The following LNX1 variants were observed in gnomAD, a reference collection of about 807,000 sequenced individuals.
LNX1 encodes the protein E3 ubiquitin-protein ligase LNX.
In LNX1, 54 loss-of-function variants were observed where a neutral mutation model predicts 68.4. That is an observed-to-expected ratio of 0.79 (90% CI 0.63 to 0.99). The LOEUF is 0.99. Among genes scored for constraint, LNX1 ranks in the 50% least tolerant of loss-of-function variants. The pLI is 0.00. For missense variants in LNX1, 906 were observed against 926.4 expected, an observed-to-expected ratio of 0.98 and a Z score of 0.29; for synonymous variants, 336 against 350.0, an observed-to-expected ratio of 0.96 and a Z score of 0.45.
intron 2 of LNX1, chr4:53,523,283 G>A (rs1394406197): frequency 1.3e-5 from 2 of 151,896 alleles, no homozygotes; most frequent in Non-Finnish European, 2.9e-5. Flanking sequence ...AATTTTTTTT[G>A]TTTGTTTGTT....
intron 1 of LNX1, chr4:53,576,401 C>A: frequency 6.5e-7 from 1 of 1,531,090 alleles, no homozygotes; most frequent in Non-Finnish European, 8.8e-7. Context: ...CTCACATGAC[C>A]AGTCCTATTC....
rs202180102 is a variant in LNX1 at position 53,478,756 on chromosome 4, T to C, written c.1486-14A>G. 1.7e-5 allele frequency: 27 copies of C among 1,605,978 alleles called. No individual in the cohort carries two copies. The highest frequency in any genetic ancestry group is 2.0e-5 in the Non-Finnish European group (24 of 1,175,064). On this transcript the variant is annotated splice_polypyrimidine_tract_variant and intron_variant, in intron 7 of 10. Transcript: ENST00000263925. ...AGGATGGAGGGGCTGAAGGCACAGA[T>C]GGAAAAACATGGCACATGAATTCAC... is the stretch of plus-strand genomic sequence containing the variant.
rs767584386 is a variant in LNX1 at position 53,478,551 on chromosome 4, C to T, written c.1663+14G>A. The T allele has an allele frequency of 3.8e-6, 6 of 1,598,006 alleles. No homozygotes were observed. Among genetic ancestry groups the T allele is most frequent in the African/African-American group, 1.3e-5 (1 of 74,404 alleles). ...CTGCCACCCCAGTGCCTTTAAAATC[C>T]CTTTACTTTTTACCTGTTTTTATTC... is the stretch of plus-strand genomic sequence containing the variant. On this transcript the variant is annotated intron_variant, in intron 8 of 10. Transcript: ENST00000263925.
At chr4:53,574,459 A>C (rs1409651195) in intron 1 of LNX1, among the ~76,000 whole-genome samples, 3 of 150,356 alleles carry the variant, frequency 2.0e-5, no homozygotes, top group Non-Finnish European at 3.0e-5. Flanking sequence ...GAAAAAAAAA[A>C]CAAAAAACAG....
rs528475627 is a variant in LNX1, at chr4:53,628,224, G to GA, written c.-215+23943dup. ...GAAACAGACAACCCACAGAATAGGA[G>GA]AAAATATATGCAAACTATGCATCCA... On this transcript the variant is annotated intron_variant, in intron 1 of 2. Transcript: ENST00000507168. 1.6e-4 allele frequency among the ~76,000 whole-genome samples: 24 copies of GA among 152,202 alleles called. No homozygotes were observed. In the East Asian group the frequency reaches 4.4e-3, roughly 28 times the overall value.
intron 2 of LNX1, among the ~76,000 whole-genome samples, chr4:53,606,344 A>G (rs1733233712): frequency 6.6e-6 from 1 of 152,186 alleles, no homozygotes; most frequent in Non-Finnish European, 1.5e-5. Flanking sequence ...GGAAATGGCT[A>G]GATCCCTGGA....
upstream of LNX1, chr4:53,593,848 G>C (rs984150449): frequency 1.3e-5 from 2 of 152,090 alleles, no homozygotes; most frequent in African/African-American, 4.8e-5. Flanking sequence ...TCTACAGCTG[G>C]GAAAACCAAG....
chr4:53,601,234 G>T (rs908744912), intron 2 of LNX1, among the ~76,000 whole-genome samples: 4 of 152,262 alleles, frequency 2.6e-5, no homozygotes, highest in South Asian at 2.1e-4. Context: ...GGATCCCTAA[G>T]TTCCTTGTTT....
rs149202349 is a variant in LNX1, at chr4:53,470,660, C to T, written c.1892+6093G>A. On this transcript the variant is annotated intron_variant, in intron 9 of 10. Coordinates refer to ENST00000263925, the MANE Select transcript of LNX1 (RefSeq NM_001126328.3). ...AGCAAAGTCTCAGGATACAAATCAACGTGCAAAAATCACAAGCATTCTTAT... is the reference window on the plus strand; with the variant it reads ...AGCAAAGTCTCAGGATACAAATCAATGTGCAAAAATCACAAGCATTCTTAT... 8.8e-3 allele frequency among the ~76,000 whole-genome samples: 1,343 copies of T among 152,134 alleles called. 22 individuals are homozygous for T. The highest frequency in any genetic ancestry group is 0.03 in the African/African-American group (1,258 of 41,516).
intron 2 of LNX1, among the ~76,000 whole-genome samples, chr4:53,524,006 GA>G (rs1249751607): frequency 6.6e-6 from 1 of 152,148 alleles, no homozygotes; most frequent in Admixed American, 6.5e-5. Flanking sequence ...GTCTTAAATT[GA>G]CCATCAATTT....
At chr4:53,611,775 GTAAACCAAAGCTCTTACCAAGAAA>G (rs1733506665) in intron 2 of LNX1, among the ~76,000 whole-genome samples, 1 of 152,146 alleles carries the variant, frequency 6.6e-6, no homozygotes, top group African/African-American at 2.4e-5. Context: ...AAAAGGTAAA[GTAAACCAAAGCTCTTACCAAGAAA>G]TCTAGTGGAT....
intron 2 of LNX1, among the ~76,000 whole-genome samples, chr4:53,570,415 C>T (rs1473532672): frequency 1.4e-5 from 2 of 143,274 alleles, no homozygotes; most frequent in Non-Finnish European, 3.0e-5. Flanking sequence ...ATCACAAGAA[C>T]AAAAAACCAA....
At chr4:53,629,338 A>T (rs906634874) in intron 1 of LNX1, among the ~76,000 whole-genome samples, 6 of 152,128 alleles carry the variant, frequency 3.9e-5, no homozygotes, top group Non-Finnish European at 7.4e-5. Flanking sequence ...AATGGCTGCA[A>T]GGCCCCAACC....
At chr4:53,538,914 G>A (rs1280094827) in intron 2 of LNX1, among the ~76,000 whole-genome samples, 1 of 152,196 alleles carries the variant, frequency 6.6e-6, no homozygotes, top group Admixed American at 6.5e-5. Flanking sequence ...AGTAATCACA[G>A]GGAACAAGCC....
intron 2 of LNX1, among the ~76,000 whole-genome samples, chr4:53,525,980 T>C (rs1727582530): frequency 6.6e-6 from 1 of 152,222 alleles, no homozygotes; most frequent in South Asian, 2.1e-4. Flanking sequence ...TGCAAATTTC[T>C]AGTATCTAAT....
chr4:53,577,609 C>T (rs1226365666), intron 1 of LNX1, among the ~76,000 whole-genome samples: 2 of 152,012 alleles, frequency 1.3e-5, no homozygotes, highest in Non-Finnish European at 2.9e-5. Context: ...AAGATGGGGT[C>T]ATGCTATGTT....
upstream of LNX1, chr4:53,594,188 C>T (rs1732646694): frequency 6.6e-6 from 1 of 150,548 alleles, no homozygotes; most frequent in Non-Finnish European, 1.5e-5. Context: ...TTCATAAATT[C>T]ATGCATATAT....
At chr4:53,558,415 C>T (rs747695074) in intron 2 of LNX1, 4 of 340,932 alleles carry the variant, frequency 1.2e-5, no homozygotes, top group Non-Finnish European at 1.7e-5. Flanking sequence ...AAGCTGCCCT[C>T]CAGTTTGCTA....
intron 2 of LNX1, among the ~76,000 whole-genome samples, chr4:53,599,385 A>G (rs1732895185): frequency 6.6e-6 from 1 of 152,220 alleles, no homozygotes; most frequent in Admixed American, 6.5e-5. Flanking sequence ...TGCCACGGCA[A>G]CATCAGGAAG....
Sources: gnomAD v4.1 joint callset for allele counts (sites outside exome capture counted in the v4.1 genomes callset) on GRCh38, gnomAD v4.1.1 for gene constraint, MANE v1.5 for transcripts, NCBI Gene and HGNC (gene_info 2026-07-23, HGNC 2026-07-21) for gene names.